FAF1: variants seen among roughly 807,000 people sequenced by gnomAD.
FAF1 encodes the protein FAS-associated factor 1.
A neutral mutation model predicts 92.5 loss-of-function variants in FAF1; 25 were observed. That is an observed-to-expected ratio of 0.27 (90% CI 0.20 to 0.38). The LOEUF (loss-of-function observed/expected upper bound fraction) is 0.38. Among genes scored for constraint, FAF1 ranks in the 10% least tolerant of loss-of-function variants. The pLI, the probability that FAF1 is intolerant of heterozygous loss-of-function variation, is 1.00. For synonymous variants in FAF1, 234 were observed against 273.2 expected, an observed-to-expected ratio of 0.86 and a Z score of 1.42; for missense variants, 636 against 793.3, an observed-to-expected ratio of 0.80 and a Z score of 2.38.
intron 9 of FAF1, among the ~76,000 whole-genome samples, chr1:50,585,880 TAAA>T (rs958484582): frequency 3.3e-5 from 3 of 90,674 alleles, no homozygotes; most frequent in East Asian, 3.9e-4. Context: ...CATCTCTACA[TAAA>T]AAAAAAAAAA....
chr1:50,717,176 C>T (rs1658213234), intron 6 of FAF1, among the ~76,000 whole-genome samples: 1 of 152,186 alleles, frequency 6.6e-6, no homozygotes. Context: ...AATACCTGGG[C>T]TTCAGGGCTG....
At chr1:50,551,805 CA>C (rs1459954225) in intron 13 of FAF1, among the ~76,000 whole-genome samples, 1 of 152,134 alleles carries the variant, frequency 6.6e-6, no homozygotes, top group Non-Finnish European at 1.5e-5. Flanking sequence ...AGAATGCTAC[CA>C]AATTGAGAGT....
chr1:50,674,907 G>A (rs1235894882), intron 7 of FAF1, among the ~76,000 whole-genome samples: 2 of 95,580 alleles, frequency 2.1e-5, no homozygotes, highest in African/African-American at 3.9e-5. Context: ...ATTTTATTTT[G>A]AGATGCAGTT....
At chr1:50,790,826 T>C (rs1196120370) in intron 3 of FAF1, among the ~76,000 whole-genome samples, 2 of 152,228 alleles carry the variant, frequency 1.3e-5, no homozygotes, top group African/African-American at 4.8e-5. Context: ...CTTCATACTA[T>C]TGCTTTGAAC....
At chr1:50,890,263 G>A (rs143917189) in intron 1 of FAF1, among the ~76,000 whole-genome samples, 1,873 of 152,184 alleles carry the variant, frequency 0.012, 33 homozygotes, top group African/African-American at 0.043. Flanking sequence ...GTCTCTGCAC[G>A]TGAGATGGGT....
chr1:50,525,360 C>A (rs977679365), intron 15 of FAF1, among the ~76,000 whole-genome samples: 2 of 152,126 alleles, frequency 1.3e-5, no homozygotes, highest in African/African-American at 4.8e-5. Flanking sequence ...CTTTCAGATT[C>A]CTTACAGCTA....
At chr1:50,547,694 G>A (rs1292930686) in intron 13 of FAF1, among the ~76,000 whole-genome samples, 4 of 152,116 alleles carry the variant, frequency 2.6e-5, no homozygotes, top group Non-Finnish European at 5.9e-5. Context: ...GATTACAGGC[G>A]TGAGCCACCG....
intron 18 of FAF1, chr1:50,469,408 T>G (rs996390004): frequency 6.6e-5 from 10 of 152,222 alleles, no homozygotes; most frequent in Non-Finnish European, 2.9e-5. Flanking sequence ...ATGTATTTTG[T>G]ACCTTAGTGA....
chr1:50,884,923 T>A (rs1644646003), intron 1 of FAF1, among the ~76,000 whole-genome samples: 1 of 152,188 alleles, frequency 6.6e-6, no homozygotes, highest in Non-Finnish European at 1.5e-5. Flanking sequence ...GCTGGCAGAT[T>A]TTTCGTTACA....
intron 1 of FAF1, among the ~76,000 whole-genome samples, chr1:50,933,504 T>G (rs1645064062): frequency 6.6e-6 from 1 of 152,218 alleles, no homozygotes. Flanking sequence ...CTGGACCTTA[T>G]TGTTCATATC....
chr1:50,565,466 A>AT lies in FAF1; in HGVS notation c.1268+1610dup, dbSNP rs1650132042. On this transcript the variant is annotated intron_variant, in intron 13 of 18. Transcript: ENST00000396153. ...TATTTAGTGTTTTTAAAAAAGTGTC[A>AT]TAAGGAGTTAATAGGACACAGCTGT... Among the ~76,000 whole-genome samples the AT allele has an allele frequency of 2.6e-5, 4 of 152,224 alleles. No individual in the cohort carries two copies. In the South Asian group the frequency reaches 8.3e-4, roughly 32 times the overall value.
Position 50,764,515 on chromosome 1 carries a change from C to T in FAF1, c.368-19740G>A, listed in dbSNP as rs532136043. 3.3e-5 allele frequency among the ~76,000 whole-genome samples: 5 copies of T among 152,242 alleles called. No individual in the cohort carries two copies. In the East Asian group the frequency reaches 5.8e-4, roughly 18 times the overall value. On this transcript the variant is annotated intron_variant, in intron 4 of 18. Coordinates refer to ENST00000396153, the MANE Select transcript of FAF1 (RefSeq NM_007051.3). ...TCCTAGCTCTTTAACTCTGCAGGAC[C>T]GTTGGGCTCTGCTTACATTCCCTTT...
chr1:50,776,041 T>C (rs768187480), intron 4 of FAF1, among the ~76,000 whole-genome samples: 1 of 152,138 alleles, frequency 6.6e-6, no homozygotes, highest in South Asian at 2.1e-4. Flanking sequence ...AATAACAATA[T>C]CTGATTTAAA....
intron 17 of FAF1, among the ~76,000 whole-genome samples, chr1:50,484,665 G>C (rs1382434095): frequency 1.3e-5 from 2 of 152,064 alleles, no homozygotes; most frequent in East Asian, 3.9e-4. Context: ...ACTTACATAA[G>C]ATAAAAATAC....
At chr1:50,652,049 C>G (rs1011089984) in intron 8 of FAF1, among the ~76,000 whole-genome samples, 1 of 152,170 alleles carries the variant, frequency 6.6e-6, no homozygotes, top group East Asian at 1.9e-4. Context: ...CAAGGCAACA[C>G]CCTGCCAATG....
chr1:50,442,882 A>C (rs1047051951), intron 18 of FAF1, among the ~76,000 whole-genome samples: 1 of 152,218 alleles, frequency 6.6e-6, no homozygotes, highest in African/African-American at 2.4e-5. Flanking sequence ...TCCGCTTATA[A>C]GGAACTCAGA....
At chr1:50,840,317 C>T (rs1416150136) in intron 2 of FAF1, among the ~76,000 whole-genome samples, 2 of 151,724 alleles carry the variant, frequency 1.3e-5, no homozygotes, top group Admixed American at 1.3e-4. Flanking sequence ...ATGAAATGGC[C>T]GGCCACATAC....
chr1:50,819,802 CATA>C (rs1644026347), intron 2 of FAF1, among the ~76,000 whole-genome samples: 1 of 86,212 alleles, frequency 1.2e-5, no homozygotes, highest in Non-Finnish European at 2.3e-5. Flanking sequence ...TATATATATA[CATA>C]TATATATATA....
intron 12 of FAF1, among the ~76,000 whole-genome samples, chr1:50,569,329 T>C (rs914427503): frequency 6.6e-6 from 1 of 152,148 alleles, no homozygotes; most frequent in Non-Finnish European, 1.5e-5. Context: ...TCAGTCTTCT[T>C]TGCATCTTTA....
Sources: gnomAD v4.1 joint callset for allele counts (sites outside exome capture counted in the v4.1 genomes callset) on GRCh38, gnomAD v4.1.1 for gene constraint, MANE v1.5 for transcripts, NCBI Gene and HGNC (gene_info 2026-07-23, HGNC 2026-07-21) for gene names.